Variants in DLG2 observed in about 807,000 individuals in gnomAD.
The protein encoded by DLG2 is discs large MAGUK scaffold protein 2, also known as disks large homolog 2.
In DLG2, 45 loss-of-function variants were observed where a neutral mutation model predicts 132.5. The ratio of observed to expected loss-of-function variants is 0.34; its 90% CI spans 0.27 to 0.44. The LOEUF is 0.44. DLG2 is among the 20% of genes least tolerant of loss of function. DLG2 has a pLI of 1.00. For synonymous variants in DLG2, 424 were observed against 419.6 expected, an observed-to-expected ratio of 1.01 and a Z score of -0.13; for missense variants, 1,045 against 1,196.9, an observed-to-expected ratio of 0.87 and a Z score of 1.87.
chr11:84,674,953 C>T (rs978789212), intron 6 of DLG2, among the ~76,000 whole-genome samples: 7 of 152,086 alleles, frequency 4.6e-5, no homozygotes, highest in Non-Finnish European at 8.8e-5. Context: ...TTCCTGTCAC[C>T]GACTTTGTAT....
At chr11:84,519,452 G>C (rs1393310054) in intron 7 of DLG2, among the ~76,000 whole-genome samples, 1 of 152,196 alleles carries the variant, frequency 6.6e-6, no homozygotes, top group Non-Finnish European at 1.5e-5. Context: ...GGCTTGAATA[G>C]ATGGTGAAAG....
intron 17 of DLG2, among the ~76,000 whole-genome samples, chr11:83,821,046 A>G (rs921869128): frequency 6.6e-6 from 1 of 152,200 alleles, no homozygotes; most frequent in Non-Finnish European, 1.5e-5. Flanking sequence ...TTCATCACCT[A>G]TGAACACCTG....
chr11:84,288,101 T>C (rs1290707221), intron 7 of DLG2, among the ~76,000 whole-genome samples: 4 of 152,032 alleles, frequency 2.6e-5, no homozygotes, highest in African/African-American at 7.2e-5. Flanking sequence ...TAAATTGATA[T>C]CATATGATAT....
At chr11:83,779,870 C>A (rs186879809) in intron 18 of DLG2, among the ~76,000 whole-genome samples, 1 of 152,136 alleles carries the variant, frequency 6.6e-6, no homozygotes. Context: ...GTAATGTTAG[C>A]GACAAAACTT....
At chr11:85,143,118 G>A (rs2076605074) in intron 5 of DLG2, among the ~76,000 whole-genome samples, 1 of 151,714 alleles carries the variant, frequency 6.6e-6, no homozygotes, top group Non-Finnish European at 1.5e-5. Flanking sequence ...AGTAGTTTGA[G>A]TAGGATTGGT....
At chr11:85,508,024 T>C (rs1459549870) in intron 3 of DLG2, among the ~76,000 whole-genome samples, 1 of 152,074 alleles carries the variant, frequency 6.6e-6, no homozygotes, top group Non-Finnish European at 1.5e-5. Flanking sequence ...GCATGCATCA[T>C]GTAGTTCTCG....
intron 17 of DLG2, among the ~76,000 whole-genome samples, chr11:83,816,142 G>C (rs943894413): frequency 6.6e-6 from 1 of 152,082 alleles, no homozygotes; most frequent in African/African-American, 2.4e-5. Flanking sequence ...AGCAACTAGA[G>C]TGGAACATAT....
chr11:84,934,264 T>C (rs2048423257), intron 6 of DLG2, among the ~76,000 whole-genome samples: 1 of 152,130 alleles, frequency 6.6e-6, no homozygotes, highest in African/African-American at 2.4e-5. Flanking sequence ...TGCTACTGGA[T>C]TCAGTTTGCT....
chr11:85,270,157 C>G (rs1256976695), intron 4 of DLG2, among the ~76,000 whole-genome samples: 1 of 152,116 alleles, frequency 6.6e-6, no homozygotes, highest in Non-Finnish European at 1.5e-5. Flanking sequence ...ATTGTAACTC[C>G]CATAATTCCC....
intron 2 of DLG2, among the ~76,000 whole-genome samples, chr11:85,618,110 T>C (rs1479033023): frequency 6.6e-6 from 1 of 152,186 alleles, no homozygotes; most frequent in Non-Finnish European, 1.5e-5. Context: ...GCTTATTAGT[T>C]GGAATTCAGA....
At chr11:83,478,204 TTCA>T (rs1477494013) in intron 22 of DLG2, among the ~76,000 whole-genome samples, 2 of 152,160 alleles carry the variant, frequency 1.3e-5, no homozygotes, top group East Asian at 3.9e-4. Flanking sequence ...TCTGGAATTC[TTCA>T]TATTTCCATT....
intron 7 of DLG2, among the ~76,000 whole-genome samples, chr11:84,480,305 C>T (rs1019558399): frequency 1.3e-5 from 2 of 152,140 alleles, no homozygotes; most frequent in Admixed American, 6.5e-5. Flanking sequence ...TTCTGAGGCT[C>T]ATGAGAGGTG....
At chr11:83,901,640 T>C (rs552967881) in intron 15 of DLG2, among the ~76,000 whole-genome samples, 2 of 152,350 alleles carry the variant, frequency 1.3e-5, no homozygotes, top group South Asian at 4.1e-4. Context: ...ATAAACCTAT[T>C]TCTTTTGTAA....
intron 14 of DLG2, among the ~76,000 whole-genome samples, chr11:83,952,124 T>C (rs1749602066): frequency 6.6e-6 from 1 of 152,040 alleles, no homozygotes; most frequent in African/African-American, 2.4e-5. Context: ...GGCAGGGGGA[T>C]CACTTGAGCT....
chr11:84,554,324 G>A (rs2099407628), intron 6 of DLG2, among the ~76,000 whole-genome samples: 2 of 152,156 alleles, frequency 1.3e-5, no homozygotes, highest in Non-Finnish European at 2.9e-5. Context: ...TCAATCTTGA[G>A]GGCAGAACGA....
chr11:85,163,420 T>C (rs1215407973), intron 4 of DLG2, among the ~76,000 whole-genome samples: 1 of 152,168 alleles, frequency 6.6e-6, no homozygotes, highest in Admixed American at 6.5e-5. Flanking sequence ...GTAATTTATA[T>C]TACATATATA....
At chr11:83,999,360 G>A (rs1203672106) in intron 11 of DLG2, among the ~76,000 whole-genome samples, 1 of 152,114 alleles carries the variant, frequency 6.6e-6, no homozygotes, top group African/African-American at 2.4e-5. Flanking sequence ...TGTGGGCCTG[G>A]AGACTGGCTA....
intron 9 of DLG2, among the ~76,000 whole-genome samples, chr11:84,107,989 T>A (rs533111908): frequency 6.6e-6 from 1 of 152,128 alleles, no homozygotes; most frequent in African/African-American, 2.4e-5. Flanking sequence ...TCTTGAACAG[T>A]GAAAGGGATG....
At chr11:83,634,228 A>T (rs1456551033) in intron 18 of DLG2, among the ~76,000 whole-genome samples, 1 of 152,182 alleles carries the variant, frequency 6.6e-6, no homozygotes, top group Non-Finnish European at 1.5e-5. Flanking sequence ...AGTTATGGGG[A>T]TAAAAAAATC....
Sources: allele counts gnomAD v4.1 joint callset (sites outside exome capture counted in the v4.1 genomes callset), GRCh38; gene constraint gnomAD v4.1.1; transcripts MANE v1.5; gene names NCBI Gene and HGNC (gene_info 2026-07-23, HGNC 2026-07-21).